The following NDUFAF7 variants were observed in gnomAD, a reference collection of about 807,000 sequenced individuals.
The protein encoded by NDUFAF7 is protein arginine methyltransferase NDUFAF7, mitochondrial.
NDUFAF7 carries 48 observed loss-of-function variants against 47.2 expected under a neutral mutation model. The ratio of observed to expected loss-of-function variants is 1.02; its 90% CI spans 0.81 to 1.29. The LOEUF (loss-of-function observed/expected upper bound fraction) is 1.29. NDUFAF7 is among the 50% of genes most tolerant of loss of function. The probability of loss-of-function intolerance (pLI) is 0.00; values close to 1 mark genes in which losing one functional copy is unlikely to be tolerated. For synonymous variants in NDUFAF7, 217 were observed against 190.0 expected (o/e 1.14, Z -1.17); for missense variants, 635 against 537.6 (o/e 1.18, Z -1.79).
At chr2:37,262,551 A>G in the NDUFAF7 span, among the ~76,000 whole-genome samples, 1 of 152,228 alleles carries the variant, frequency 6.6e-6, no homozygotes, top group Admixed American at 6.5e-5. Context: ...AATGAAACTC[A>G]AATACCCCAT....
At chr2:37,246,717 A>T (rs965560395) in intron 8 of NDUFAF7, among the ~76,000 whole-genome samples, 1 of 152,028 alleles carries the variant, frequency 6.6e-6, no homozygotes, top group Non-Finnish European at 1.5e-5. Flanking sequence ...CATTTAACTA[A>T]ATGCTCTTAG....
At position 37,243,171 on chromosome 2, in the gene NDUFAF7, C is replaced by T. The variant is rs544615354; in HGVS notation, c.681+478C>T. 8.5e-4 allele frequency among the ~76,000 whole-genome samples: 130 copies of T among 152,068 alleles called. 1 individual carries two copies. In the South Asian group the frequency reaches 0.026, roughly 31 times the overall value. On this transcript the variant is annotated intron_variant, in intron 6 of 9. Coordinates refer to ENST00000002125, the MANE Select transcript of NDUFAF7 (RefSeq NM_144736.5). ...AAATTATAGATTAAACTTTTTTGGGCCAGGCATGGTGGCTTACACCTGTAA... is the reference window on the plus strand; with the variant it reads ...AAATTATAGATTAAACTTTTTTGGGTCAGGCATGGTGGCTTACACCTGTAA...
Position 37,241,703 on chromosome 2 carries a change from A to G in NDUFAF7, c.534A>G (p.Arg178=). ...TLTKEKVPLE[R]NAGSPVYMKG... ...CTAAAGAGAAGGTCCCGTTAGAGCG[A>G]AATGCTGGATCCCCAGTGTATATGA... The change falls in exon 5 of 10, where the codon CGA becomes CGG. Residue 178 remains arginine (R), a synonymous_variant. Transcript: ENST00000002125. The G allele has an allele frequency of 1.2e-6, 2 of 1,614,070 alleles. No individual in the cohort carries two copies. The highest frequency in any genetic ancestry group is 1.7e-6 in the Non-Finnish European group (2 of 1,179,992).
At chr2:37,251,819 A>G (rs931274549), downstream of NDUFAF7, 10 of 152,200 alleles carry the variant, frequency 6.6e-5, no homozygotes, top group African/African-American at 2.2e-4. Flanking sequence ...ATAACTAACA[A>G]GTAGTGGAGT....
the NDUFAF7 span, among the ~76,000 whole-genome samples, chr2:37,259,962 C>G: frequency 2.0e-5 from 3 of 152,024 alleles, no homozygotes; most frequent in South Asian, 2.1e-4. Context: ...GCAAGGAGTT[C>G]GAGACCAGCC....
chr2:37,249,602 CAGA>C (rs1667304448), downstream of NDUFAF7, among the ~76,000 whole-genome samples: 3 of 110,920 alleles, frequency 2.7e-5, no homozygotes, highest in African/African-American at 1.0e-4. Context: ...CACACACACA[CAGA>C]GGGGAGATCG....
At position 37,249,000 on chromosome 2, in the gene NDUFAF7, A is replaced by G. The variant is rs927360409; in HGVS notation, c.*650A>G. The G allele has an allele frequency of 6.5e-6, 1 of 152,764 alleles. No individual in the cohort carries two copies. Among genetic ancestry groups the G allele is most frequent in the African/African-American group, 2.4e-5 (1 of 41,454 alleles). The allele number at this position is 152,764 out of a possible 1,614,324, so 9.5% of individuals were successfully genotyped here. A position where few individuals can be genotyped will look rare whatever the true frequency, so the allele number is the denominator to read the frequency against. On this transcript the variant is annotated 3_prime_UTR_variant, in exon 10 of 10. Coordinates refer to ENST00000002125, the MANE Select transcript of NDUFAF7 (RefSeq NM_144736.5). ...GCTATTCACAGGAAACTGATAAGAT[A>G]TATGTTATTTTTTTAAATGAGCTAG...
At chr2:37,250,139 C>T (rs925853846), downstream of NDUFAF7, among the ~76,000 whole-genome samples, 1 of 151,610 alleles carries the variant, frequency 6.6e-6, no homozygotes, top group Non-Finnish European at 1.5e-5. Context: ...AGATTAGACA[C>T]CCCTGCACTA....
chr2:37,243,353 G>A (rs1203830786), intron 6 of NDUFAF7, among the ~76,000 whole-genome samples: 1 of 152,150 alleles, frequency 6.6e-6, no homozygotes. Context: ...TAGGGAGGCT[G>A]AGGCATGAGA....
At chr2:37,260,141 G>T in the NDUFAF7 span, 27 of 1,293,118 alleles carry the variant, frequency 2.1e-5, no homozygotes, top group Non-Finnish European at 2.9e-5. Context: ...TCCAGCCCAG[G>T]TGACAGAGTA....
chr2:37,264,175 A>G, the NDUFAF7 span, among the ~76,000 whole-genome samples: 1 of 152,204 alleles, frequency 6.6e-6, no homozygotes. Flanking sequence ...TTATGTAGGC[A>G]TGGCTCTTTT....
intron 4 of NDUFAF7, 103 bp from the exon 5 acceptor site, chr2:37,241,475 A>G (rs1666323077): frequency 6.1e-6 from 6 of 986,590 alleles, no homozygotes; most frequent in South Asian, 1.4e-5. Flanking sequence ...TCTCTCTGAA[A>G]TATTACCTCT....
At chr2:37,263,528 CTTGTT>C in the NDUFAF7 span, among the ~76,000 whole-genome samples, 3 of 150,612 alleles carry the variant, frequency 2.0e-5, no homozygotes, top group African/African-American at 7.5e-5. Context: ...TCTGTTTCTC[CTTGTT>C]TTTAGTTTTT....
chr2:37,263,781 T>G, the NDUFAF7 span, among the ~76,000 whole-genome samples: 1 of 152,228 alleles, frequency 6.6e-6, no homozygotes, highest in Non-Finnish European at 1.5e-5. Flanking sequence ...CATGCACCTC[T>G]GCTTCATCTT....
intron 4 of NDUFAF7, among the ~76,000 whole-genome samples, chr2:37,239,194 C>G (rs570152829): frequency 2.7e-5 from 4 of 150,184 alleles, no homozygotes; most frequent in Admixed American, 1.3e-4. Context: ...TCTTGGCTCA[C>G]TGCAACCTCT....
chr2:37,270,834 G>A, the NDUFAF7 span, among the ~76,000 whole-genome samples: 1 of 152,210 alleles, frequency 6.6e-6, no homozygotes, highest in Admixed American at 6.5e-5. Context: ...TGCTAGGAAA[G>A]TGTATGTGTA....
At chr2:37,231,928 A>G in intron 1 of NDUFAF7, 168 bp downstream of exon 1, 1 of 1,594,992 alleles carries the variant, frequency 6.3e-7, no homozygotes, top group East Asian at 2.2e-5. Context: ...AGGGCTGCGT[A>G]GTCGTGGGCA....
At chr2:37,237,373 C>T (rs1001733885) in intron 3 of NDUFAF7, among the ~76,000 whole-genome samples, 6 of 152,116 alleles carry the variant, frequency 3.9e-5, no homozygotes, top group South Asian at 2.1e-4. Flanking sequence ...ATGTGCGTAT[C>T]GAAAAACATT....
chr2:37,231,812 C>A (rs748821634), intron 1 of NDUFAF7, 52 bp downstream of exon 1: 1 of 1,611,362 alleles, frequency 6.2e-7, no homozygotes, highest in Admixed American at 1.7e-5. Flanking sequence ...GCGTGGGGCG[C>A]CTTCCTCAGC....
Sources: allele counts gnomAD v4.1 joint callset (sites outside exome capture counted in the v4.1 genomes callset), GRCh38; gene constraint gnomAD v4.1.1; transcripts MANE v1.5; gene names NCBI Gene and HGNC (gene_info 2026-07-23, HGNC 2026-07-21).